The following MAPKAP1 variants were observed in gnomAD, a reference collection of about 807,000 sequenced individuals.
MAPKAP1 encodes the protein MAPK associated protein 1.
In MAPKAP1, 20 loss-of-function variants were observed where a neutral mutation model predicts 65.7. The ratio of observed to expected loss-of-function variants is 0.30; its 90% CI spans 0.21 to 0.44. MAPKAP1 has a LOEUF of 0.44. Ranked by LOEUF, MAPKAP1 falls within the 20% of genes least tolerant of loss-of-function variation. MAPKAP1 has a pLI of 1.00. For synonymous variants in MAPKAP1, 222 were observed against 244.3 expected, an observed-to-expected ratio of 0.91 and a Z score of 0.85; for missense variants, 423 against 648.0, an observed-to-expected ratio of 0.65 and a Z score of 3.77.
At chr9:125,451,645 A>AC (rs1189446589) in intron 10 of MAPKAP1, among the ~76,000 whole-genome samples, 1 of 152,004 alleles carries the variant, frequency 6.6e-6, no homozygotes, top group Non-Finnish European at 1.5e-5. Context: ...TTCACCACGC[A>AC]CCAAGTACTG....
intron 1 of MAPKAP1, among the ~76,000 whole-genome samples, chr9:125,677,716 T>C (rs2131814423): frequency 6.6e-6 from 1 of 152,100 alleles, no homozygotes; most frequent in East Asian, 1.9e-4. Flanking sequence ...AATAATAAAA[T>C]AAGATAGACC....
At chr9:125,507,990 T>TAAC in intron 7 of MAPKAP1, among the ~76,000 whole-genome samples, 1 of 151,808 alleles carries the variant, frequency 6.6e-6, no homozygotes, top group East Asian at 1.9e-4. Context: ...GGCCACACAG[T>TAAC]AACAACAACA....
At chr9:125,551,157 G>C (rs748430097) in intron 6 of MAPKAP1, among the ~76,000 whole-genome samples, 6 of 152,268 alleles carry the variant, frequency 3.9e-5, no homozygotes, top group East Asian at 1.9e-4. Context: ...AACTGAATGA[G>C]TGTGTGAAAA....
At chr9:125,675,892 G>A (rs564723321) in intron 1 of MAPKAP1, among the ~76,000 whole-genome samples, 140 of 152,192 alleles carry the variant, frequency 9.2e-4, no homozygotes, top group Non-Finnish European at 1.4e-3. Context: ...TCTCTTCAAC[G>A]TGCCCTTCAA....
At chr9:125,488,712 T>C in intron 8 of MAPKAP1, among the ~76,000 whole-genome samples, 1 of 152,226 alleles carries the variant, frequency 6.6e-6, no homozygotes, top group Non-Finnish European at 1.5e-5. Flanking sequence ...CTATTGTATA[T>C]GCAATGGTGC....
chr9:125,651,011 G>C (rs1412485953), intron 4 of MAPKAP1, among the ~76,000 whole-genome samples: 1 of 152,118 alleles, frequency 6.6e-6, no homozygotes, highest in Non-Finnish European at 1.5e-5. Context: ...CTGTCACCTA[G>C]GCTGGAGTGC....
intron 7 of MAPKAP1, among the ~76,000 whole-genome samples, chr9:125,524,639 C>G (rs1214232363): frequency 1.3e-5 from 2 of 152,196 alleles, no homozygotes; most frequent in African/African-American, 2.4e-5. Flanking sequence ...AGCCATTTTC[C>G]TTTCTCAGAG....
At chr9:125,623,072 G>C (rs1183057558) in intron 4 of MAPKAP1, among the ~76,000 whole-genome samples, 15 of 151,050 alleles carry the variant, frequency 9.9e-5, no homozygotes, top group African/African-American at 3.6e-4. Context: ...TGCCGGGATT[G>C]CAGACGGAGT....
intron 4 of MAPKAP1, among the ~76,000 whole-genome samples, chr9:125,601,063 A>T (rs1165492950): frequency 1.3e-5 from 2 of 152,186 alleles, no homozygotes; most frequent in African/African-American, 4.8e-5. Flanking sequence ...TCTATCAATT[A>T]TCATAATATA....
chr9:125,444,130 A>G (rs757918602), intron 11 of MAPKAP1, among the ~76,000 whole-genome samples: 2 of 152,246 alleles, frequency 1.3e-5, no homozygotes, highest in Non-Finnish European at 2.9e-5. Context: ...CTTCAAAACA[A>G]TAATAATTTC....
At chr9:125,535,831 G>GT (rs1344279161) in intron 7 of MAPKAP1, among the ~76,000 whole-genome samples, 1 of 152,078 alleles carries the variant, frequency 6.6e-6, no homozygotes, top group African/African-American at 2.4e-5. Flanking sequence ...GGAGAAGGCT[G>GT]TCTGACTTCT....
chr9:125,489,484 TC>T (rs1221646569), intron 8 of MAPKAP1, among the ~76,000 whole-genome samples: 1 of 152,116 alleles, frequency 6.6e-6, no homozygotes, highest in African/African-American at 2.4e-5. Context: ...TTGTGATAGA[TC>T]AAATTTTGGG....
intron 4 of MAPKAP1, among the ~76,000 whole-genome samples, chr9:125,601,351 CAATT>C (rs1832294093): frequency 7.6e-6 from 1 of 131,564 alleles, no homozygotes; most frequent in African/African-American, 2.6e-5. Flanking sequence ...GGGTTTCAGT[CAATT>C]AAACATTATA....
chr9:125,437,810 CT>C lies in MAPKAP1; in HGVS notation c.*1076del, dbSNP rs1471922293. ...CACCGCAGGAGGGACACTGAAGAGGCTGTCGAGGACTGCAGAGGCATCTGGT... is the reference window on the plus strand; with the variant it reads ...CACCGCAGGAGGGACACTGAAGAGGCGTCGAGGACTGCAGAGGCATCTGGT... On this transcript the variant is annotated 3_prime_UTR_variant, in exon 12 of 12. Coordinates refer to ENST00000265960, the MANE Select transcript of MAPKAP1 (RefSeq NM_001006617.3). The C allele has an allele frequency of 6.6e-6, 1 of 152,300 alleles. No homozygotes were observed. Among genetic ancestry groups the C allele is most frequent in the Non-Finnish European group, 1.5e-5 (1 of 68,084 alleles). The allele number at this position is 152,300 out of a possible 1,614,324, so 9.4% of individuals were successfully genotyped here.
At chr9:125,651,131 G>C (rs112504390) in intron 4 of MAPKAP1, among the ~76,000 whole-genome samples, 1 of 151,986 alleles carries the variant, frequency 6.6e-6, no homozygotes. Flanking sequence ...TGTGCCCGGC[G>C]ATCCTTCTAT....
intron 7 of MAPKAP1, among the ~76,000 whole-genome samples, chr9:125,514,028 T>C (rs1369610556): frequency 1.3e-5 from 2 of 152,248 alleles, no homozygotes; most frequent in Non-Finnish European, 1.5e-5. Flanking sequence ...AGCACAGATA[T>C]CAAAGGACAC....
intron 8 of MAPKAP1, among the ~76,000 whole-genome samples, chr9:125,494,747 A>G (rs1359130755): frequency 2.6e-5 from 4 of 152,104 alleles, no homozygotes; most frequent in Non-Finnish European, 5.9e-5. Context: ...TTGGCCTGGA[A>G]CATTCTTCTC....
chr9:125,692,828 G>A (rs1588081405), intron 1 of MAPKAP1, among the ~76,000 whole-genome samples: 1 of 152,168 alleles, frequency 6.6e-6, no homozygotes, highest in Non-Finnish European at 1.5e-5. Context: ...TGTAATATAA[G>A]TTGATTACAT....
At chr9:125,442,392 T>TA in intron 11 of MAPKAP1, among the ~76,000 whole-genome samples, 1 of 152,192 alleles carries the variant, frequency 6.6e-6, no homozygotes, top group African/African-American at 2.4e-5. Context: ...TTCTCTGCAC[T>TA]TGATCTTCCA....
Sources: gnomAD v4.1 joint callset for allele counts (sites outside exome capture counted in the v4.1 genomes callset) on GRCh38, gnomAD v4.1.1 for gene constraint, MANE v1.5 for transcripts, NCBI Gene and HGNC (gene_info 2026-07-23, HGNC 2026-07-21) for gene names.